CATSPERB: variants seen among roughly 807,000 people sequenced by gnomAD.
The protein encoded by CATSPERB is catsper channel auxiliary subunit beta, also known as cation channel sperm-associated auxiliary subunit beta.
Under a neutral mutation model 128.3 loss-of-function variants are expected in CATSPERB, and 93 were observed. That is an observed-to-expected ratio of 0.72 (90% CI 0.61 to 0.86). The LOEUF is 0.86. Ranked by LOEUF, CATSPERB falls within the 40% of genes least tolerant of loss-of-function variation. CATSPERB has a pLI of 0.00. For synonymous variants in CATSPERB, 381 were observed against 448.8 expected, an observed-to-expected ratio of 0.85 and a Z score of 1.91; for missense variants, 1,153 against 1,329.5, an observed-to-expected ratio of 0.87 and a Z score of 2.06.
intron 22 of CATSPERB, among the ~76,000 whole-genome samples, chr14:91,594,432 C>T (rs914758259): frequency 6.7e-6 from 1 of 149,410 alleles, no homozygotes; most frequent in Non-Finnish European, 1.5e-5. Flanking sequence ...ACATATGTGA[C>T]AAACCTGCAC....
chr14:91,616,733 C>CCTTTTTTTTTTTTTT (rs1555360387), intron 20 of CATSPERB, among the ~76,000 whole-genome samples: 2 of 84,482 alleles, frequency 2.4e-5, no homozygotes, highest in Non-Finnish European at 4.5e-5. Context: ...AAGTATTCCC[C>CCTTTTTTTTTTTTTT]TTTTTTTTTT....
intron 14 of CATSPERB, among the ~76,000 whole-genome samples, chr14:91,660,723 T>C (rs977532845): frequency 2.0e-5 from 3 of 152,242 alleles, no homozygotes; most frequent in Non-Finnish European, 4.4e-5. Context: ...TTTCCAACTT[T>C]ATAAATATGG....
At chr14:91,713,135 G>A (rs1895870172) in intron 5 of CATSPERB, among the ~76,000 whole-genome samples, 1 of 152,110 alleles carries the variant, frequency 6.6e-6, no homozygotes, top group Non-Finnish European at 1.5e-5. Context: ...CTATACCACT[G>A]TAGCATAAAA....
chr14:91,655,326 C>T (rs1469586816), intron 15 of CATSPERB, among the ~76,000 whole-genome samples: 1 of 152,116 alleles, frequency 6.6e-6, no homozygotes, highest in South Asian at 2.1e-4. Context: ...ATGACCTCAC[C>T]AAAGGAACAA....
intron 20 of CATSPERB, among the ~76,000 whole-genome samples, chr14:91,616,399 A>AT (rs905135233): frequency 3.3e-5 from 5 of 152,080 alleles, no homozygotes; most frequent in African/African-American, 9.7e-5. Context: ...CTTTCCAGTG[A>AT]TTTTTTGTGG....
chr14:91,659,608 T>C (rs750759330), intron 15 of CATSPERB, among the ~76,000 whole-genome samples: 2 of 152,214 alleles, frequency 1.3e-5, no homozygotes, highest in Non-Finnish European at 2.9e-5. Flanking sequence ...ATTTGGCTTT[T>C]GGGACAGTAA....
chr14:91,707,148 AC>A (rs1895745535), intron 6 of CATSPERB, among the ~76,000 whole-genome samples: 1 of 152,118 alleles, frequency 6.6e-6, no homozygotes, highest in Non-Finnish European at 1.5e-5. Context: ...GCTTCTCCAA[AC>A]TCATGATCCA....
chr14:91,699,231 T>A (rs143068338), intron 7 of CATSPERB, among the ~76,000 whole-genome samples: 1 of 152,336 alleles, frequency 6.6e-6, no homozygotes, highest in African/African-American at 2.4e-5. Flanking sequence ...GCAGTGGGAT[T>A]GCTGGATCAA....
At chr14:91,589,443 T>G in intron 24 of CATSPERB, 91 bp downstream of exon 24, 3 of 1,292,634 alleles carry the variant, frequency 2.3e-6, no homozygotes, top group Non-Finnish European at 3.2e-6. Context: ...CTCTCTTTTG[T>G]GTGAACAGGC....
chr14:91,688,737 T>C (rs1200464987), intron 10 of CATSPERB, among the ~76,000 whole-genome samples: 1 of 152,206 alleles, frequency 6.6e-6, no homozygotes, highest in South Asian at 2.1e-4. Context: ...ATGGAAATTT[T>C]GGTATTCAGT....
chr14:91,586,546 G>GGAGAGAGAGA (rs759345481), intron 26 of CATSPERB, among the ~76,000 whole-genome samples: 5 of 117,916 alleles, frequency 4.2e-5, no homozygotes, highest in Admixed American at 2.7e-4. Flanking sequence ...GGCCGGAACA[G>GGAGAGAGAGA]GAGAGAGAGA....
chr14:91,646,132 G>A (rs550275037), intron 15 of CATSPERB: 131 of 154,846 alleles, frequency 8.5e-4, no homozygotes, highest in African/African-American at 2.7e-3. Context: ...AGATGAACCC[G>A]GTACCTCAGA....
chr14:91,682,124 G>A (rs924368407), intron 11 of CATSPERB, among the ~76,000 whole-genome samples: 4 of 152,164 alleles, frequency 2.6e-5, no homozygotes, highest in Non-Finnish European at 2.9e-5. Context: ...CAGGCTTGCC[G>A]TGGTGCGTGC....
At chr14:91,622,893 CTTTT>C (rs11432858) in intron 18 of CATSPERB, among the ~76,000 whole-genome samples, 14 of 127,828 alleles carry the variant, frequency 1.1e-4, no homozygotes, top group Non-Finnish European at 1.9e-4. Context: ...TTCTCAATGA[CTTTT>C]TTTTTTTTTT....
At chr14:91,673,559 G>A (rs757948317) in intron 12 of CATSPERB, among the ~76,000 whole-genome samples, 1 of 152,142 alleles carries the variant, frequency 6.6e-6, no homozygotes, top group Non-Finnish European at 1.5e-5. Flanking sequence ...CAACCATAGT[G>A]TTGCTCTGAC....
chr14:91,664,810 C>T (rs1031222842), intron 14 of CATSPERB, among the ~76,000 whole-genome samples: 14 of 152,158 alleles, frequency 9.2e-5, no homozygotes, highest in Non-Finnish European at 1.9e-4. Flanking sequence ...TGTTTCTTAG[C>T]TTCATTTCAG....
intron 16 of CATSPERB, among the ~76,000 whole-genome samples, chr14:91,637,773 T>C (rs1362347109): frequency 6.6e-6 from 1 of 151,872 alleles, no homozygotes; most frequent in East Asian, 1.9e-4. Context: ...AAACTTGTCC[T>C]AAGTATACAA....
intron 22 of CATSPERB, chr14:91,604,684 G>A (rs1277066604): frequency 6.2e-7 from 1 of 1,613,168 alleles, no homozygotes; most frequent in Non-Finnish European, 8.5e-7. Flanking sequence ...AGGACTGGAT[G>A]TTCTGGGTCT....
chr14:91,611,984 T>G (rs896408401), intron 20 of CATSPERB, among the ~76,000 whole-genome samples: 3 of 152,038 alleles, frequency 2.0e-5, no homozygotes, highest in Non-Finnish European at 4.4e-5. Context: ...TTTGATGATA[T>G]AAATAAAATA....
Sources: allele counts gnomAD v4.1 joint callset (sites outside exome capture counted in the v4.1 genomes callset), GRCh38; gene constraint gnomAD v4.1.1; transcripts MANE v1.5; gene names NCBI Gene and HGNC (gene_info 2026-07-23, HGNC 2026-07-21).